The following DNMBP variants were observed in gnomAD, a reference collection of about 807,000 sequenced individuals.
DNMBP encodes dynamin-binding protein.
In DNMBP, 87 loss-of-function variants were observed where a neutral mutation model predicts 150.0. The ratio of observed to expected loss-of-function variants is 0.58; its 90% confidence interval spans 0.49 to 0.69. DNMBP has a LOEUF of 0.69. Among genes scored for constraint, DNMBP ranks in the 30% least tolerant of loss-of-function variants. The pLI is 0.00. For missense variants in DNMBP, 1,774 were observed against 1,949.0 expected, an observed-to-expected ratio of 0.91 and a Z score of 1.69; for synonymous variants, 711 against 750.4, an observed-to-expected ratio of 0.95 and a Z score of 0.86.
chr10:99,996,126 T>C (rs1353742339), intron 1 of DNMBP, among the ~76,000 whole-genome samples: 5 of 152,230 alleles, frequency 3.3e-5, no homozygotes, highest in Non-Finnish European at 7.3e-5. Context: ...ATAATAATTA[T>C]ATTTTAATTT....
At chr10:99,891,631 C>T (rs1467486564) in intron 11 of DNMBP, among the ~76,000 whole-genome samples, 4 of 150,606 alleles carry the variant, frequency 2.7e-5, no homozygotes, top group Non-Finnish European at 1.5e-5. Flanking sequence ...TGCCTGGCCG[C>T]CCATCGTCTG....
At position 99,955,895 on chromosome 10, in the gene DNMBP, G is replaced by A; in HGVS notation, c.1579C>T (p.Pro527Ser). The A allele has an allele frequency of 6.2e-7, 1 of 1,614,186 alleles. No individual in the cohort carries two copies. The highest frequency in any genetic ancestry group is 8.5e-7 in the Non-Finnish European group (1 of 1,180,032). Residue 527 changes from proline (P) to serine (S), a missense_variant, in exon 4 of 17, where the codon CCG becomes TCG. Pro to Ser is a moderately conservative substitution (Grantham distance 74). This residue lies in a region of DNMBP where 1,430 missense variants were observed against 1,492.5 expected (regional missense o/e 0.96). Coordinates refer to ENST00000324109, the MANE Select transcript of DNMBP (RefSeq NM_015221.4). ...TCCATAACAAGCCCTTGGGCTTGCG[G>A]ACCAGGCTTCATCTCCAATCTCTCT... Reference protein sequence around the residue: ...ISERLEMKPGPQAQGLVMEAA... With the variant: ...ISERLEMKPGSQAQGLVMEAA...
intron 4 of DNMBP, among the ~76,000 whole-genome samples, chr10:99,910,255 T>C (rs2039883253): frequency 6.6e-6 from 1 of 152,248 alleles, no homozygotes; most frequent in East Asian, 1.9e-4. Flanking sequence ...AAGTTAGGAA[T>C]TCTGGGACGG....
chr10:99,877,346 GGAGA>G lies in DNMBP; in HGVS notation c.4549-14_4549-11del, dbSNP rs745585203. The G allele has an allele frequency of 1.1e-4, 182 of 1,593,178 alleles. 2 individuals are homozygous for G. In the South Asian group the frequency reaches 1.9e-3, roughly 17 times the overall value. On this transcript the variant is annotated splice_polypyrimidine_tract_variant and intron_variant, in intron 16 of 16. Coordinates refer to ENST00000324109, the MANE Select transcript of DNMBP (RefSeq NM_015221.4). ...AGACAGCAAAATAGACCTGTGTGAG[GGAGA>G]GAGAGAAAATGGGAAATTGCTGGGA...
chr10:99,922,967 C>G (rs956393336), intron 4 of DNMBP, among the ~76,000 whole-genome samples: 5 of 152,120 alleles, frequency 3.3e-5, no homozygotes, highest in Admixed American at 6.6e-5. Context: ...TTGTTGCATA[C>G]CAAATAGCTT....
At chr10:99,958,243 A>G (rs537119169) in intron 3 of DNMBP, 81 of 152,360 alleles carry the variant, frequency 5.3e-4, no homozygotes, top group Middle Eastern at 3.4e-3. Context: ...ATGTACTCAC[A>G]GTTTTTAAAA....
intron 4 of DNMBP, chr10:99,930,517 C>G (rs1382089226): frequency 1.4e-6 from 1 of 702,892 alleles, no homozygotes; most frequent in African/African-American, 1.7e-5. Flanking sequence ...TCATGTGCTT[C>G]CCCACAGTCC....
At chr10:99,944,757 T>C (rs954336078) in intron 4 of DNMBP, among the ~76,000 whole-genome samples, 3 of 152,212 alleles carry the variant, frequency 2.0e-5, no homozygotes, top group African/African-American at 4.8e-5. Context: ...CTGTCTAGTA[T>C]TCTACCCTGA....
intron 11 of DNMBP, among the ~76,000 whole-genome samples, chr10:99,891,093 T>TAAAACTTAAA (rs2039549011): frequency 6.6e-6 from 1 of 152,140 alleles, no homozygotes; most frequent in African/African-American, 2.4e-5. Flanking sequence ...GATTTAATCT[T>TAAAACTTAAA]AAAACTTAAA....
rs569306731 is a variant in DNMBP at position 99,909,085 on chromosome 10, G to A, written c.2322C>T (p.Ala774=). Residue 774 remains alanine, a synonymous_variant, in exon 5 of 17, where the codon GCC becomes GCT. Coordinates refer to ENST00000324109, the MANE Select transcript of DNMBP (RefSeq NM_015221.4). Reference sequence around the variant, plus strand: ...CCAGCATCCTCTGCTCTGGATTTTCGGCAGACACAGACCCAGAAGGGGCCA... The same window carrying A: ...CCAGCATCCTCTGCTCTGGATTTTCAGCAGACACAGACCCAGAAGGGGCCA... ...SLVAPSGSVS[A]ENPEQRMLEK... is the part of the protein sequence containing the mutation. The A allele has an allele frequency of 1.0e-4, 161 of 1,613,970 alleles. No homozygotes were observed. The highest frequency in any genetic ancestry group is 1.2e-4 in the Non-Finnish European group (145 of 1,180,014).
At chr10:99,886,256 A>G in intron 13 of DNMBP, 44 bp downstream of exon 13, 1 of 1,505,072 alleles carries the variant, frequency 6.6e-7, no homozygotes, top group East Asian at 2.3e-5. Context: ...AATACCAGGC[A>G]AAGGCTATAG....
chr10:99,894,356 G>A lies in DNMBP; in HGVS notation c.3156+590C>T, dbSNP rs1420957417. Among the ~76,000 whole-genome samples, 7 of 152,282 alleles carry A rather than the reference G, an allele frequency of 4.6e-5. No homozygotes were observed. In the South Asian group the frequency reaches 1.2e-3, roughly 27 times the overall value. On this transcript the variant is annotated intron_variant, in intron 11 of 16. Coordinates refer to ENST00000324109, the MANE Select transcript of DNMBP (RefSeq NM_015221.4). ...AGAAATTAGAGACAAGAATAGAAAGGATGGTGGTGCTGGTTCTGACCTCAG... is the reference window on the plus strand; with the variant it reads ...AGAAATTAGAGACAAGAATAGAAAGAATGGTGGTGCTGGTTCTGACCTCAG...
In DNMBP at chr10:99,880,072, ACT is replaced by A; in HGVS notation, c.4285_4286del (p.Ser1429Ter). 6 of 1,613,546 alleles carry A rather than the reference ACT, an allele frequency of 3.7e-6. No individual in the cohort carries two copies. The highest frequency in any genetic ancestry group is 1.3e-5 in the African/African-American group (1 of 74,792). On this transcript the variant is annotated frameshift_variant, in exon 16 of 17. Transcript: ENST00000324109. LOFTEE classifies it high-confidence loss of function. ...GGTCTGAAGGGCATCTGGAAGGACT[ACT>A]CTCTGAATTACTCGGATTTAGGGAT... Reference protein sequence around the residue: ...SASLNPSNSESSPSRCPSDPD... With the variant: ...SASLNPSNSEXSPSRCPSDPD...
At chr10:99,927,910 T>C (rs565072263) in intron 4 of DNMBP, among the ~76,000 whole-genome samples, 1 of 151,972 alleles carries the variant, frequency 6.6e-6, no homozygotes, top group Non-Finnish European at 1.5e-5. Context: ...CTTAATACAA[T>C]AAGGAACTAA....
chr10:99,986,536 C>A (rs1243643134), intron 1 of DNMBP, among the ~76,000 whole-genome samples: 1 of 131,766 alleles, frequency 7.6e-6, no homozygotes, highest in African/African-American at 2.9e-5. Context: ...AACTGCAAGG[C>A]GTGAGCTGAG....
At chr10:99,878,224 G>T (rs1450700957) in intron 16 of DNMBP, among the ~76,000 whole-genome samples, 1 of 152,208 alleles carries the variant, frequency 6.6e-6, no homozygotes, top group African/African-American at 2.4e-5. Context: ...CAACTTCAAA[G>T]AAAAGTTGAT....
intron 4 of DNMBP, chr10:99,929,892 A>G (rs1198987143): frequency 1.4e-6 from 1 of 702,802 alleles, no homozygotes; most frequent in Non-Finnish European, 2.6e-6. Context: ...CAAATTCTCC[A>G]TTTGATGGAG....
intron 3 of DNMBP, among the ~76,000 whole-genome samples, chr10:99,964,326 C>A (rs1174446898): frequency 6.6e-6 from 1 of 151,240 alleles, no homozygotes; most frequent in East Asian, 2.0e-4. Flanking sequence ...GTTTCACCAT[C>A]TTGGCCAGGT....
intron 4 of DNMBP, among the ~76,000 whole-genome samples, chr10:99,932,160 T>A (rs1480806198): frequency 1.3e-5 from 2 of 152,220 alleles, no homozygotes; most frequent in African/African-American, 4.8e-5. Context: ...GGTCATTTCT[T>A]AGATATCTAG....
Sources: gnomAD v4.1 joint callset for allele counts (sites outside exome capture counted in the v4.1 genomes callset) on GRCh38, gnomAD v4.1.1 for gene constraint, gnomAD v4.1.1 regional missense constraint, MANE v1.5 for transcripts, NCBI Gene and HGNC (gene_info 2026-07-23, HGNC 2026-07-21) for gene names.